KHDRBS2: variants seen among roughly 807,000 people sequenced by gnomAD.
KHDRBS2 encodes KH RNA binding domain containing, signal transduction associated 2, also known as KH domain-containing, RNA-binding, signal transduction-associated protein 2.
KHDRBS2 carries 26 observed loss-of-function variants against 44.3 expected under a neutral mutation model. The ratio of observed to expected loss-of-function variants is 0.59; its 90% confidence interval spans 0.43 to 0.81. The LOEUF is 0.81. Among genes scored for constraint, KHDRBS2 ranks in the 40% least tolerant of loss-of-function variants. KHDRBS2 has a pLI of 0.00. For synonymous variants in KHDRBS2, 194 were observed against 151.1 expected (o/e 1.28, Z -2.08); for missense variants, 476 against 433.1 (o/e 1.10, Z -0.88).
chr6:61,807,396 A>G (rs1001352889), intron 6 of KHDRBS2, among the ~76,000 whole-genome samples: 1 of 152,172 alleles, frequency 6.6e-6, no homozygotes, highest in African/African-American at 2.4e-5. Flanking sequence ...CACTACTCAC[A>G]ATAGCAAAGA....
At chr6:62,107,195 C>T (rs1479811505) in intron 2 of KHDRBS2, among the ~76,000 whole-genome samples, 3 of 152,000 alleles carry the variant, frequency 2.0e-5, no homozygotes, top group African/African-American at 7.2e-5. Context: ...TAGAAAACCC[C>T]ATTGTCTCAG....
In KHDRBS2 at chr6:61,727,089, A is replaced by G. The variant is rs372976422; in HGVS notation, c.893+5593T>C. Among the ~76,000 whole-genome samples the G allele has an allele frequency of 2.2e-3, 341 of 152,276 alleles. 2 individuals carry two copies. The highest frequency in any genetic ancestry group is 8.0e-3 in the African/African-American group (332 of 41,552). ...CAAAAACAAACATATAGAACAATGGAACAGAATAAAGAACTCAGAAATAAG... is the reference window on the plus strand; with the variant it reads ...CAAAAACAAACATATAGAACAATGGGACAGAATAAAGAACTCAGAAATAAG... On this transcript the variant is annotated intron_variant, in intron 7 of 8. Transcript: ENST00000281156.
intron 6 of KHDRBS2, among the ~76,000 whole-genome samples, chr6:61,887,377 C>A (rs1177847071): frequency 2.0e-5 from 3 of 152,082 alleles, no homozygotes; most frequent in Non-Finnish European, 1.5e-5. Context: ...TTTTCCAAAT[C>A]TACTTCAATC....
At chr6:61,638,041 G>C in the KHDRBS2 span, among the ~76,000 whole-genome samples, 1 of 151,994 alleles carries the variant, frequency 6.6e-6, no homozygotes, top group Non-Finnish European at 1.5e-5. Flanking sequence ...AGTTTAATTA[G>C]ATCCCATTTG....
chr6:61,977,147 C>A (rs1282833250), intron 4 of KHDRBS2, among the ~76,000 whole-genome samples: 1 of 152,096 alleles, frequency 6.6e-6, no homozygotes, highest in African/African-American at 2.4e-5. Context: ...ATGAACCTTA[C>A]CCACCATTTC....
the KHDRBS2 span, among the ~76,000 whole-genome samples, chr6:61,570,875 A>C: frequency 2.0e-5 from 3 of 152,272 alleles, no homozygotes; most frequent in African/African-American, 7.2e-5. Context: ...AATGCTGAAG[A>C]GTTCACCACT....
At chr6:62,226,895 G>A (rs1399472934) in intron 1 of KHDRBS2, among the ~76,000 whole-genome samples, 9 of 152,036 alleles carry the variant, frequency 5.9e-5, no homozygotes, top group Admixed American at 5.9e-4. Context: ...GTCAGTTTTG[G>A]TTCTAGTACC....
chr6:62,068,433 C>T (rs143164212), intron 2 of KHDRBS2, among the ~76,000 whole-genome samples: 1 of 151,462 alleles, frequency 6.6e-6, no homozygotes, highest in East Asian at 2.0e-4. Flanking sequence ...ACATGATTTG[C>T]TAATATTTTC....
chr6:61,700,741 CAGTT>C (rs35838600), intron 7 of KHDRBS2, among the ~76,000 whole-genome samples: 53,450 of 149,610 alleles, frequency 0.36, 10,188 homozygotes, highest in East Asian at 0.48. Flanking sequence ...TTTACCTTCT[CAGTT>C]GGTAGAAGGC....
intron 6 of KHDRBS2, among the ~76,000 whole-genome samples, chr6:61,860,035 T>G (rs1347613611): frequency 1.3e-5 from 2 of 151,890 alleles, no homozygotes; most frequent in Non-Finnish European, 2.9e-5. Context: ...GAGAATAAAA[T>G]TAGATGGATT....
the KHDRBS2 span, among the ~76,000 whole-genome samples, chr6:61,669,181 C>T: frequency 2.0e-5 from 3 of 150,954 alleles, no homozygotes; most frequent in Admixed American, 6.6e-5. Flanking sequence ...CAACTTTATA[C>T]TTAGGGTTGT....
intron 6 of KHDRBS2, among the ~76,000 whole-genome samples, chr6:61,868,328 C>A (rs1284002441): frequency 6.6e-6 from 1 of 152,174 alleles, no homozygotes; most frequent in South Asian, 2.1e-4. Flanking sequence ...AGGTGGCAGA[C>A]CTCCCCTCCC....
chr6:62,142,052 G>A (rs1435572457), intron 2 of KHDRBS2, among the ~76,000 whole-genome samples: 3 of 151,892 alleles, frequency 2.0e-5, no homozygotes, highest in East Asian at 1.9e-4. Flanking sequence ...CATACTAGAC[G>A]ACCTCTTCTC....
intron 6 of KHDRBS2, among the ~76,000 whole-genome samples, chr6:61,795,248 T>C (rs551639557): frequency 6.6e-6 from 1 of 151,996 alleles, no homozygotes; most frequent in Admixed American, 6.6e-5. Context: ...CAATGTTGAA[T>C]TCAAAGTACT....
chr6:61,632,656 C>T, the KHDRBS2 span, among the ~76,000 whole-genome samples: 1 of 152,066 alleles, frequency 6.6e-6, no homozygotes, highest in African/African-American at 2.4e-5. Flanking sequence ...GTTGCCTATG[C>T]TTTAGGTCAA....
chr6:61,972,807 G>T (rs978770819), intron 4 of KHDRBS2, among the ~76,000 whole-genome samples: 1 of 152,132 alleles, frequency 6.6e-6, no homozygotes, highest in African/African-American at 2.4e-5. Flanking sequence ...GCTGGCTGGT[G>T]GGGTTTAGTT....
At chr6:62,009,656 G>C (rs552594752) in intron 3 of KHDRBS2, among the ~76,000 whole-genome samples, 1 of 152,276 alleles carries the variant, frequency 6.6e-6, no homozygotes, top group East Asian at 1.9e-4. Flanking sequence ...GTGCAGTCAA[G>C]AGACTTGTTG....
chr6:61,646,691 C>T, the KHDRBS2 span, among the ~76,000 whole-genome samples: 3 of 152,072 alleles, frequency 2.0e-5, no homozygotes, highest in Non-Finnish European at 4.4e-5. Context: ...ATCTTTACCT[C>T]CCAGAAAAAC....
chr6:61,923,824 G>A (rs1808489276), intron 4 of KHDRBS2, among the ~76,000 whole-genome samples: 1 of 152,018 alleles, frequency 6.6e-6, no homozygotes, highest in Non-Finnish European at 1.5e-5. Context: ...ATTGAACAAG[G>A]CAAGAAAAGG....
Sources: allele counts gnomAD v4.1 joint callset (sites outside exome capture counted in the v4.1 genomes callset), GRCh38; gene constraint gnomAD v4.1.1; transcripts MANE v1.5; gene names NCBI Gene and HGNC (gene_info 2026-07-23, HGNC 2026-07-21).